Variants in MYMX observed in about 807,000 individuals in gnomAD.
MYMX encodes the protein protein myomixer.
At chr6:44,208,759 C>T in the MYMX span, among the ~76,000 whole-genome samples, 10 of 152,232 alleles carry the variant, frequency 6.6e-5, no homozygotes, top group Admixed American at 5.9e-4. Context: ...TTCCTTAAGG[C>T]TCCCATTGCC....
In MYMX at chr6:44,217,532, G is replaced by C. The variant is rs1227241414; in HGVS notation, c.61G>C (p.Ala21Pro). The C allele has an allele frequency of 2.5e-6, 1 of 405,370 alleles. No homozygotes were observed. The highest frequency in any genetic ancestry group is 4.3e-6 in the Non-Finnish European group (1 of 229,904). The allele number at this position is 405,370 out of a possible 1,614,324, so 25.1% of individuals were successfully genotyped here. The change falls in exon 2 of 2, where the codon GCT becomes CCT. Residue 21 changes from alanine (A) to proline (P), a missense_variant. Physicochemically the swap from Ala to Pro is conservative, Grantham distance 27. Transcript: ENST00000573382. ...GCTGCTGTCCTGCCTGCTGCTGCCT[G>C]CTGCCCGCCTGGCCCGCCAATACCT... is the stretch of plus-strand genomic sequence containing the variant. ...RLLLSCLLLPAARLARQYLLP... is the reference protein window; with the variant it reads ...RLLLSCLLLPPARLARQYLLP...
chr6:44,213,408 T>C (rs557055554), upstream of MYMX, among the ~76,000 whole-genome samples: 1 of 148,346 alleles, frequency 6.7e-6, no homozygotes, highest in South Asian at 2.1e-4. Flanking sequence ...ATAAAAGAGA[T>C]TGCAAAACGT....
chr6:44,198,434 G>C, the MYMX span, among the ~76,000 whole-genome samples: 7 of 152,054 alleles, frequency 4.6e-5, no homozygotes, highest in South Asian at 1.5e-3. Context: ...CAAAGTGCTG[G>C]GATTACAGGC....
At chr6:44,199,931 C>T in the MYMX span, among the ~76,000 whole-genome samples, 2 of 152,150 alleles carry the variant, frequency 1.3e-5, no homozygotes, top group Non-Finnish European at 2.9e-5. Context: ...GCAATCCAAG[C>T]GTCTTGGCCT....
the MYMX span, among the ~76,000 whole-genome samples, chr6:44,195,084 C>T: frequency 6.6e-6 from 1 of 152,026 alleles, no homozygotes; most frequent in East Asian, 1.9e-4. Context: ...GGCACAAGCT[C>T]AGCTCATTGC....
the MYMX span, among the ~76,000 whole-genome samples, chr6:44,192,796 C>T: frequency 6.6e-6 from 1 of 152,192 alleles, no homozygotes; most frequent in Non-Finnish European, 1.5e-5. Context: ...AAGGTGCAGG[C>T]CATTTCTTTT....
At chr6:44,197,450 T>C in the MYMX span, among the ~76,000 whole-genome samples, 3 of 152,082 alleles carry the variant, frequency 2.0e-5, no homozygotes, top group Non-Finnish European at 4.4e-5. Context: ...GAAGAGTCGC[T>C]TGAACCCAGG....
upstream of MYMX, among the ~76,000 whole-genome samples, chr6:44,212,709 T>C (rs907629625): frequency 6.6e-6 from 1 of 151,816 alleles, no homozygotes; most frequent in Non-Finnish European, 1.5e-5. Context: ...AAATTAGCCT[T>C]AATATAAAAA....
the MYMX span, among the ~76,000 whole-genome samples, chr6:44,204,862 ATCTG>A: frequency 2.0e-5 from 3 of 152,158 alleles, no homozygotes; most frequent in Admixed American, 1.3e-4. Flanking sequence ...TCTCCTGTAA[ATCTG>A]TCTATGTCAA....
chr6:44,206,327 G>C, the MYMX span, among the ~76,000 whole-genome samples: 1 of 152,072 alleles, frequency 6.6e-6, no homozygotes, highest in South Asian at 2.1e-4. Flanking sequence ...CGCCTCCTGG[G>C]TTCAGGTGAT....
chr6:44,194,670 G>T, the MYMX span, among the ~76,000 whole-genome samples: 1 of 152,206 alleles, frequency 6.6e-6, no homozygotes, highest in East Asian at 1.9e-4. Context: ...AGGACAGAAA[G>T]GAGGATGCTC....
chr6:44,193,158 T>C, the MYMX span, among the ~76,000 whole-genome samples: 1 of 152,226 alleles, frequency 6.6e-6, no homozygotes, highest in Non-Finnish European at 1.5e-5. Flanking sequence ...GGGAAAATTA[T>C]AAGGGCCAAT....
the MYMX span, among the ~76,000 whole-genome samples, chr6:44,195,629 G>T: frequency 6.7e-6 from 1 of 149,992 alleles, no homozygotes; most frequent in East Asian, 1.9e-4. Context: ...ACTATACCTG[G>T]CTATGTTTCT....
At chr6:44,209,177 T>C in the MYMX span, among the ~76,000 whole-genome samples, 1 of 152,206 alleles carries the variant, frequency 6.6e-6, no homozygotes, top group African/African-American at 2.4e-5. Context: ...TTGCCCAGGC[T>C]GATCTTGAAC....
upstream of MYMX, among the ~76,000 whole-genome samples, chr6:44,215,130 T>C (rs535814829): frequency 6.6e-6 from 1 of 152,320 alleles, no homozygotes; most frequent in Admixed American, 6.5e-5. Flanking sequence ...ATGGAGATGA[T>C]GATGCTAGTG....
At chr6:44,203,152 G>A in the MYMX span, among the ~76,000 whole-genome samples, 2 of 152,164 alleles carry the variant, frequency 1.3e-5, no homozygotes, top group Admixed American at 1.3e-4. Context: ...AGGGCCTGCC[G>A]TTCCTCCCCT....
Position 44,218,111 on chromosome 6 carries a change from A to C in MYMX, c.*385A>C. ...AATTTAGCAGAGAGGCAAGATTTGA[A>C]TCCAGACTGTCTTCCAGACTCAGGA... On this transcript the variant is annotated 3_prime_UTR_variant, in exon 2 of 2. Coordinates refer to ENST00000573382, the MANE Select transcript of MYMX (RefSeq NM_001315494.2). 5.8e-6 allele frequency: 1 copy of C among 173,836 alleles called. No homozygotes were observed. Among genetic ancestry groups the C allele is most frequent in the Non-Finnish European group, 1.2e-5 (1 of 83,042 alleles). 10.8% of individuals were successfully genotyped at this position (173,836 alleles called of 1,614,324 possible). A position where few individuals can be genotyped will look rare whatever the true frequency, so the allele number is the denominator to read the frequency against.
chr6:44,205,476 T>C, the MYMX span, among the ~76,000 whole-genome samples: 1 of 151,146 alleles, frequency 6.6e-6, no homozygotes, highest in Non-Finnish European at 1.5e-5. Context: ...CTGGGCAACA[T>C]GGAAAAACCC....
chr6:44,212,606 CA>C (rs1348572702), upstream of MYMX, among the ~76,000 whole-genome samples: 2 of 150,866 alleles, frequency 1.3e-5, no homozygotes, highest in Non-Finnish European at 3.0e-5. Context: ...TAAAATGAAA[CA>C]AAAAAACCTG....
Sources: allele counts gnomAD v4.1 joint callset (sites outside exome capture counted in the v4.1 genomes callset), GRCh38; gene constraint gnomAD v4.1.1; transcripts MANE v1.5; gene names NCBI Gene and HGNC (gene_info 2026-07-23, HGNC 2026-07-21).